The following LAMB1 variants were observed in gnomAD, a reference collection of about 807,000 sequenced individuals.
The protein encoded by LAMB1 is laminin subunit beta-1.
Under a neutral mutation model 222.3 loss-of-function variants are expected in LAMB1, and 121 were observed. The ratio of observed to expected loss-of-function variants is 0.54; its 90% confidence interval spans 0.47 to 0.63. LAMB1 has a LOEUF of 0.63. Ranked by LOEUF, LAMB1 falls within the 30% of genes least tolerant of loss-of-function variation. LAMB1 has a pLI of 0.00. For missense variants in LAMB1, 2,172 were observed against 2,240.8 expected (o/e 0.97, Z 0.62); for synonymous variants, 794 against 807.2 (o/e 0.98, Z 0.28).
At chr7:107,970,046 G>A (rs966068572) in intron 13 of LAMB1, among the ~76,000 whole-genome samples, 1 of 152,310 alleles carries the variant, frequency 6.6e-6, no homozygotes, top group African/African-American at 2.4e-5. Context: ...ACCGTGCTGG[G>A]TGCCAAGTGA....
chr7:107,969,426 C>T (rs1759206911), intron 13 of LAMB1, among the ~76,000 whole-genome samples: 1 of 149,678 alleles, frequency 6.7e-6, no homozygotes. Context: ...AATATTAAAG[C>T]ATAAAAAACA....
At chr7:107,926,689 A>G (rs1445839332) in intron 31 of LAMB1, among the ~76,000 whole-genome samples, 2 of 152,184 alleles carry the variant, frequency 1.3e-5, no homozygotes, top group Admixed American at 6.5e-5. Flanking sequence ...GACACCTGCA[A>G]ACTTTGGCTA....
chr7:107,992,729 T>C (rs1284222152), intron 5 of LAMB1, among the ~76,000 whole-genome samples: 1 of 152,084 alleles, frequency 6.6e-6, no homozygotes, highest in East Asian at 1.9e-4. Flanking sequence ...AACCTGCCTC[T>C]ACCAAAAATA....
intron 27 of LAMB1, 190 bp downstream of exon 27, chr7:107,935,225 T>G (rs1584487015): frequency 3.9e-6 from 3 of 760,722 alleles, no homozygotes; most frequent in African/African-American, 1.8e-5. Flanking sequence ...CTGCTGCTTT[T>G]AATCTGTCTT....
chr7:107,945,836 A>G (rs945676563), intron 24 of LAMB1, among the ~76,000 whole-genome samples: 2 of 152,222 alleles, frequency 1.3e-5, no homozygotes, highest in African/African-American at 4.8e-5. Flanking sequence ...CACTAGAGCT[A>G]ATCTTTTCTG....
chr7:107,960,489 T>G lies in LAMB1; in HGVS notation c.2270A>C (p.Asn757Thr), dbSNP rs761321107. 59 of 1,614,090 alleles carry G rather than the reference T, an allele frequency of 3.7e-5. No homozygotes were observed. The Admixed American group carries it at 9.8e-4, about 27-fold the overall frequency. Reference sequence around the variant, plus strand: ...CAGGGCAGAAATGCTAAAGATGATGTTTCTGCAAACATCTGTCATCGGTGT... The same window carrying G: ...CAGGGCAGAAATGCTAAAGATGATGGTTCTGCAAACATCTGTCATCGGTGT... ...VKTPMTDVCRNIIFSISALLH... is the reference protein window; with the variant it reads ...VKTPMTDVCRTIIFSISALLH... The change falls in exon 18 of 34, where the codon AAC becomes ACC. Residue 757 changes from asparagine (N) to threonine (T), a missense_variant. Coordinates refer to ENST00000222399, the MANE Select transcript of LAMB1 (RefSeq NM_002291.3).
intron 7 of LAMB1, among the ~76,000 whole-genome samples, chr7:107,982,509 C>G (rs548830498): frequency 5.9e-5 from 9 of 152,142 alleles, no homozygotes; most frequent in Admixed American, 5.9e-4. Flanking sequence ...ACAGAGAAAC[C>G]GTGGTACTCC....
Position 107,975,382 on chromosome 7 carries a change from A to C in LAMB1, c.1221T>G (p.Asn407Lys), listed in dbSNP as rs771639923. The stretch of plus-strand genomic sequence containing the variant: ...CAGTATAGCTGTCACAAATTCCCTC[A>C]TTTTGAGAGCCAGCTGGGTCACACG... ...RCTCDPAGSQ[N>K]EGICDSYTDF... Residue 407 changes from asparagine (N) to lysine (K), a missense_variant, in exon 11 of 34, where the codon AAT becomes AAG. By Grantham distance (94) the Asn-to-Lys change is moderately conservative (BLOSUM62 0). Coordinates refer to ENST00000222399, the MANE Select transcript of LAMB1 (RefSeq NM_002291.3). 1 of 1,613,378 alleles carries C rather than the reference A, an allele frequency of 6.2e-7. No individual in the cohort carries two copies. Among genetic ancestry groups the C allele is most frequent in the East Asian group, 2.2e-5 (1 of 44,870 alleles).
chr7:107,960,388 G>T, intron 18 of LAMB1, 57 bp downstream of exon 18: 1 of 1,367,542 alleles, frequency 7.3e-7, no homozygotes, highest in Non-Finnish European at 1.0e-6. Flanking sequence ...TACTTCATGT[G>T]CCAGATATAC....
chr7:107,961,370 C>G (rs2150428603), intron 16 of LAMB1, 41 bp from the exon 17 acceptor site: 1 of 1,602,702 alleles, frequency 6.2e-7, no homozygotes, highest in Non-Finnish European at 8.5e-7. Flanking sequence ...CGAAAGTCAA[C>G]CTTCATGCAT....
At position 107,951,288 on chromosome 7, in the gene LAMB1, C is replaced by T. The variant is rs770574652; in HGVS notation, c.3329G>A (p.Gly1110Glu). ...TGQCQCMPGF[G>E]GRTCSECQEL... is the part of the protein sequence containing the mutation. ...CTGGCACTCGCTGCAGGTGCGGCCTCCAAACCCAGGCATGCACTGGCACTG... is the reference window on the plus strand; with the variant it reads ...CTGGCACTCGCTGCAGGTGCGGCCTTCAAACCCAGGCATGCACTGGCACTG... Residue 1110 changes from glycine to glutamate, a missense_variant, in exon 24 of 34, where the codon GGA (glycine) becomes GAA (glutamate). Physicochemically the swap from Gly to Glu is moderately conservative, Grantham distance 98 (BLOSUM62 -2). Coordinates refer to ENST00000222399, the MANE Select transcript of LAMB1 (RefSeq NM_002291.3). 11 of 1,614,044 alleles carry T rather than the reference C, an allele frequency of 6.8e-6. No homozygotes were observed. The South Asian group carries it at 9.9e-5, about 14-fold the overall frequency.
intron 17 of LAMB1, 45 bp downstream of exon 17, chr7:107,961,161 C>A (rs770616763): frequency 6.2e-6 from 10 of 1,611,906 alleles, no homozygotes; most frequent in Admixed American, 5.0e-5. Context: ...TGGGCACTTT[C>A]CGCCCAGGCT....
intron 24 of LAMB1, among the ~76,000 whole-genome samples, chr7:107,945,581 G>A (rs1042592322): frequency 2.0e-5 from 3 of 152,236 alleles, no homozygotes; most frequent in Admixed American, 6.5e-5. Context: ...AATACCAGCT[G>A]TCAATGAGGA....
At chr7:107,975,935 T>A (rs1456161963) in intron 9 of LAMB1, 58 bp from the exon 10 acceptor site, 4 of 1,469,698 alleles carry the variant, frequency 2.7e-6, no homozygotes, top group Non-Finnish European at 3.7e-6. Context: ...CAATGGAGGA[T>A]GGGGGTGGCA....
chr7:107,986,234 C>T lies in LAMB1; in HGVS notation c.553G>A (p.Val185Ile), dbSNP rs781015685. Residue 185 changes from valine to isoleucine, a missense_variant, in exon 6 of 34, where the codon GTC becomes ATC. By Grantham distance (29) the Val-to-Ile change is conservative. Transcript: ENST00000222399. Reference protein sequence around the residue: ...PGISTGPMKKVDDIICDSRYS... With the variant: ...PGISTGPMKKIDDIICDSRYS... Reference sequence around the variant, plus strand: ...CGAGAATCACAAATTATGTCATCGACTTTTTTCATGGGGCCAGTTGAAATG... The same window carrying T: ...CGAGAATCACAAATTATGTCATCGATTTTTTTCATGGGGCCAGTTGAAATG... The T allele has an allele frequency of 6.2e-7, 1 of 1,614,102 alleles. No individual in the cohort carries two copies. The highest frequency in any genetic ancestry group is 1.1e-5 in the South Asian group (1 of 91,078).
intron 5 of LAMB1, among the ~76,000 whole-genome samples, chr7:107,993,620 C>T (rs1430804825): frequency 6.6e-6 from 1 of 152,088 alleles, no homozygotes; most frequent in Non-Finnish European, 1.5e-5. Flanking sequence ...GAACAGATGC[C>T]CTCTGCAAAG....
intron 2 of LAMB1, chr7:108,002,314 G>A: frequency 7.6e-7 from 1 of 1,314,048 alleles, no homozygotes; most frequent in Non-Finnish European, 1.0e-6. Flanking sequence ...GGGAGCCCAT[G>A]GACAGTCCCT....
chr7:107,977,339 G>C (rs183203303), intron 9 of LAMB1, among the ~76,000 whole-genome samples: 1 of 152,094 alleles, frequency 6.6e-6, no homozygotes, highest in Admixed American at 6.5e-5. Flanking sequence ...ATCTCCACCC[G>C]GAGAAAACCC....
In LAMB1 at chr7:107,929,158, G is replaced by A. The variant is rs780764721; in HGVS notation, c.4793C>T (p.Ala1598Val). Residue 1598 changes from alanine (A) to valine (V), a missense_variant, in exon 31 of 34, where the codon GCT (alanine) becomes GTT (valine). By Grantham distance (64) the Ala-to-Val change is moderately conservative. Coordinates refer to ENST00000222399, the MANE Select transcript of LAMB1 (RefSeq NM_002291.3). Reference protein sequence around the residue: ...VKVTADMVKEALEEAEKAQVA... With the variant: ...VKVTADMVKEVLEEAEKAQVA... Reference sequence around the variant, plus strand: ...CTGGGCCTTTTCTGCTTCTTCCAGAGCTTCCTTTACCATATCTGCAGTGAC... The same window carrying A: ...CTGGGCCTTTTCTGCTTCTTCCAGAACTTCCTTTACCATATCTGCAGTGAC... 5.6e-6 allele frequency: 9 copies of A among 1,613,852 alleles called. No individual in the cohort carries two copies. In the South Asian group the frequency reaches 8.8e-5, roughly 16 times the overall value.
Sources: gnomAD v4.1 joint callset for allele counts (sites outside exome capture counted in the v4.1 genomes callset) on GRCh38, gnomAD v4.1.1 for gene constraint, MANE v1.5 for transcripts, NCBI Gene and HGNC (gene_info 2026-07-23, HGNC 2026-07-21) for gene names.